The following OR4Q3 variants were observed in gnomAD, a reference collection of about 807,000 sequenced individuals.
The protein encoded by OR4Q3 is olfactory receptor family 4 subfamily Q member 3, also known as olfactory receptor 4Q3.
In OR4Q3, 17 loss-of-function variants were observed where a neutral mutation model predicts 18.8. That is an observed-to-expected ratio of 0.91 (90% CI 0.62 to 1.36). The LOEUF (loss-of-function observed/expected upper bound fraction) is 1.36, where lower values mean the gene tolerates loss of function less well. Ranked by LOEUF, OR4Q3 falls within the 40% of genes most tolerant of loss-of-function variation. The probability of loss-of-function intolerance (pLI) is 0.00; values close to 1 mark genes in which losing one functional copy is unlikely to be tolerated. For missense variants in OR4Q3, 378 were observed against 373.4 expected (o/e 1.01, Z -0.10); for synonymous variants, 158 against 145.8 (o/e 1.08, Z -0.60).
At chr14:19,743,760 C>T (rs1877367372) in intron 1 of OR4Q3, 89 bp downstream of exon 1, 1 of 152,110 alleles carries the variant, frequency 6.6e-6, no homozygotes, top group Non-Finnish European at 1.5e-5. Flanking sequence ...GTTGTCCTCA[C>T]TCTTTTTCTC....
downstream of OR4Q3, among the ~76,000 whole-genome samples, chr14:19,749,640 C>CAAA: frequency 4.6e-5 from 5 of 107,546 alleles, no homozygotes; most frequent in Non-Finnish European, 7.0e-5. Context: ...AAAAAGAAAG[C>CAAA]AAGCTAATAA....
exon 2 of OR4Q3, chr14:19,748,826 G>A: frequency 6.0e-6 from 1 of 165,762 alleles, no homozygotes; most frequent in Non-Finnish European, 1.3e-5. Flanking sequence ...GAATTTCTTT[G>A]TTCTGTTATA....
intron 1 of OR4Q3, among the ~76,000 whole-genome samples, chr14:19,745,737 C>A: frequency 6.6e-6 from 1 of 152,116 alleles, no homozygotes; most frequent in Non-Finnish European, 1.5e-5. Context: ...TTGGTGCATC[C>A]AAAAAAGATT....
downstream of OR4Q3, among the ~76,000 whole-genome samples, chr14:19,751,392 A>G: frequency 3.3e-5 from 5 of 152,200 alleles, no homozygotes; most frequent in Non-Finnish European, 1.5e-5. Context: ...TGCTAGCTTC[A>G]TAGAATGAGT....
chr14:19,745,429 C>G, intron 1 of OR4Q3, among the ~76,000 whole-genome samples: 1 of 152,098 alleles, frequency 6.6e-6, no homozygotes, highest in Admixed American at 6.6e-5. Context: ...GTACCATACA[C>G]CTTTGGTATA....
intron 1 of OR4Q3, among the ~76,000 whole-genome samples, chr14:19,746,900 GA>G: frequency 1.3e-5 from 2 of 150,694 alleles, no homozygotes; most frequent in African/African-American, 4.9e-5. Flanking sequence ...CTCATCTTGA[GA>G]GATTTAGTTT....
exon 2 of OR4Q3, chr14:19,748,400 A>C: frequency 6.6e-7 from 1 of 1,508,858 alleles, no homozygotes; most frequent in African/African-American, 1.4e-5. Flanking sequence ...TTTGAAAAAC[A>C]CACTCTTTCT....
intron 1 of OR4Q3, among the ~76,000 whole-genome samples, chr14:19,746,411 T>G: frequency 1.3e-5 from 2 of 152,160 alleles, no homozygotes; most frequent in African/African-American, 4.8e-5. Context: ...TTAGCAAATC[T>G]TCTTTATTTT....
At chr14:19,748,273 G>A in exon 2 of OR4Q3, 10 of 1,612,086 alleles carry the variant, frequency 6.2e-6, no homozygotes, top group Non-Finnish European at 5.1e-6. Context: ...TTACACCTAT[G>A]TTGAACCCCC....
downstream of OR4Q3, among the ~76,000 whole-genome samples, chr14:19,751,527 AGTAG>A: frequency 6.7e-6 from 1 of 150,146 alleles, no homozygotes; most frequent in South Asian, 2.1e-4. Context: ...TTTTTTGGTT[AGTAG>A]AGTTTTTTTT....
At chr14:19,748,588 C>T in exon 2 of OR4Q3, 1 of 507,036 alleles carries the variant, frequency 2.0e-6, no homozygotes, top group Non-Finnish European at 3.5e-6. Flanking sequence ...CTCAGGAACT[C>T]AGTAGAATTT....
chr14:19,749,893 TCTTTCTTTCTTTCTTTTTTC>T, downstream of OR4Q3, among the ~76,000 whole-genome samples: 2 of 15,990 alleles, frequency 1.3e-4, no homozygotes, highest in African/African-American at 1.8e-4. Context: ...TTTCTTTCTT[TCTTTCTTTCTTTCTTTTTTC>T]TTTCTTTCTT....
exon 2 of OR4Q3, chr14:19,748,393 G>T: frequency 6.6e-7 from 1 of 1,523,812 alleles, no homozygotes; most frequent in Non-Finnish European, 8.9e-7. Flanking sequence ...GAGGTGATTT[G>T]AAAAACACAC....
chr14:19,747,389 AT>A lies in OR4Q3; in HGVS notation c.3-14del. The A allele has an allele frequency of 7.3e-7, 1 of 1,362,452 alleles. No homozygotes were observed. Among genetic ancestry groups the A allele is most frequent in the South Asian group, 1.3e-5 (1 of 76,546 alleles). 84.4% of individuals were successfully genotyped at this position (1,362,452 alleles called of 1,614,324 possible). A position where few individuals can be genotyped will look rare whatever the true frequency, so the allele number is the denominator to read the frequency against. On this transcript the variant is annotated splice_polypyrimidine_tract_variant and intron_variant, in intron 1 of 1. Coordinates refer to ENST00000642117, the Ensembl canonical transcript of OR4Q3. The stretch of plus-strand genomic sequence containing the variant: ...TCTACCTTAAATCTCCCTTGTTCTG[AT>A]TTAATTCTTCTTTAGGTCACTTGAT...
At chr14:19,751,951 C>T, downstream of OR4Q3, among the ~76,000 whole-genome samples, 9 of 152,146 alleles carry the variant, frequency 5.9e-5, no homozygotes, top group African/African-American at 1.9e-4. Flanking sequence ...CCTTTGGTTT[C>T]TAATTCCTTG....
intron 1 of OR4Q3, among the ~76,000 whole-genome samples, chr14:19,744,084 G>T (rs1877374960): frequency 6.6e-6 from 1 of 152,104 alleles, no homozygotes; most frequent in African/African-American, 2.4e-5. Context: ...TGTTCCACAG[G>T]TACAATATAG....
chr14:19,750,780 T>G, downstream of OR4Q3, among the ~76,000 whole-genome samples: 1 of 152,252 alleles, frequency 6.6e-6, no homozygotes, highest in African/African-American at 2.4e-5. Context: ...ATTTGGGAGA[T>G]TTCTAAATAG....
At chr14:19,751,720 T>C, downstream of OR4Q3, among the ~76,000 whole-genome samples, 4 of 152,134 alleles carry the variant, frequency 2.6e-5, no homozygotes, top group Non-Finnish European at 5.9e-5. Flanking sequence ...CGTATTTCTG[T>C]GGGATCAGTT....
chr14:19,749,953 T>G, downstream of OR4Q3, among the ~76,000 whole-genome samples: 2 of 150,382 alleles, frequency 1.3e-5, no homozygotes, highest in Non-Finnish European at 3.0e-5. Context: ...TTTTCTCTTT[T>G]TCTTTCTCTC....
Sources: allele counts gnomAD v4.1 joint callset (sites outside exome capture counted in the v4.1 genomes callset), GRCh38; gene constraint gnomAD v4.1.1; transcripts MANE v1.5; gene names NCBI Gene and HGNC (gene_info 2026-07-23, HGNC 2026-07-21).